The following ACSM5 variants were observed in gnomAD, a reference collection of about 807,000 sequenced individuals.
ACSM5 encodes acyl-CoA synthetase medium chain family member 5.
Under a neutral mutation model 71.6 loss-of-function variants are expected in ACSM5, and 56 were observed. The observed-to-expected ratio is 0.78, with a 90% CI of 0.63 to 0.98. The LOEUF is 0.98. Ranked by LOEUF, ACSM5 falls within the 50% of genes least tolerant of loss-of-function variation. The pLI is 0.00. For synonymous variants in ACSM5, 285 were observed against 281.5 expected (o/e 1.01, Z -0.12); for missense variants, 723 against 726.0 (o/e 1.00, Z 0.05).
chr16:20,417,777 G>T (rs966075406), intron 2 of ACSM5, among the ~76,000 whole-genome samples: 15 of 152,076 alleles, frequency 9.9e-5, no homozygotes, highest in African/African-American at 3.6e-4. Context: ...GCATTAAAAA[G>T]ATAGTAGAAA....
intron 6 of ACSM5, 133 bp from the exon 7 acceptor site, chr16:20,427,655 G>A (rs1967010038): frequency 5.6e-6 from 4 of 718,932 alleles, no homozygotes; most frequent in South Asian, 3.2e-5. Flanking sequence ...ACACCATCTT[G>A]GCTGCTGGAT....
intron 10 of ACSM5, among the ~76,000 whole-genome samples, chr16:20,435,012 A>G (rs2141660129): frequency 6.6e-6 from 1 of 152,234 alleles, no homozygotes; most frequent in African/African-American, 2.4e-5. Flanking sequence ...GATAATTGAC[A>G]TCTCTATTAA....
At position 20,429,815 on chromosome 16, in the gene ACSM5, G is replaced by A. The variant is rs1335034693; in HGVS notation, c.1125+14G>A. The A allele has an allele frequency of 2.5e-6, 4 of 1,610,588 alleles. No homozygotes were observed. The African/African-American group carries it at 5.4e-5, about 22-fold the overall frequency. ...CAGTCTGAAACGGTGAGTGCTGGAG[G>A]GGCCAGGTCCCTACCCCCCAGGTCC... On this transcript the variant is annotated intron_variant, in intron 8 of 13. Coordinates refer to ENST00000331849, the MANE Select transcript of ACSM5 (RefSeq NM_017888.3).
chr16:20,428,110 A>C (rs1967025466), intron 7 of ACSM5, among the ~76,000 whole-genome samples: 1 of 152,128 alleles, frequency 6.6e-6, no homozygotes, highest in African/African-American at 2.4e-5. Flanking sequence ...GGCCCCCCAA[A>C]ATTTGCATCC....
intron 10 of ACSM5, among the ~76,000 whole-genome samples, chr16:20,434,262 G>C (rs545355249): frequency 6.6e-6 from 1 of 152,244 alleles, no homozygotes; most frequent in East Asian, 1.9e-4. Context: ...TGACATTTAA[G>C]TTTATAATCC....
chr16:20,438,772 A>G (rs8063308), intron 12 of ACSM5, among the ~76,000 whole-genome samples: 42,148 of 149,348 alleles, frequency 0.28, 7,249 homozygotes, highest in East Asian at 0.57. Context: ...TGGCTAACAC[A>G]GTGAAACCCC....
intron 10 of ACSM5, among the ~76,000 whole-genome samples, chr16:20,431,665 C>G (rs1041536703): frequency 2.0e-5 from 3 of 152,004 alleles, no homozygotes; most frequent in Non-Finnish European, 2.9e-5. Flanking sequence ...GAAGGTCAAA[C>G]TGCAGCCGGG....
intron 7 of ACSM5, among the ~76,000 whole-genome samples, chr16:20,429,449 A>G (rs1323393419): frequency 6.6e-6 from 1 of 152,160 alleles, no homozygotes; most frequent in Non-Finnish European, 1.5e-5. Flanking sequence ...AACCTATTAT[A>G]TGAGCTTCTG....
intron 10 of ACSM5, among the ~76,000 whole-genome samples, chr16:20,434,562 C>T (rs76951447): frequency 0.088 from 13,447 of 152,030 alleles, 727 homozygotes; most frequent in East Asian, 0.19. Flanking sequence ...GGTGTGGTGG[C>T]GGGCACCTGT....
At chr16:20,431,673 G>A (rs188795866) in intron 10 of ACSM5, among the ~76,000 whole-genome samples, 117 of 152,164 alleles carry the variant, frequency 7.7e-4, no homozygotes, top group Middle Eastern at 6.8e-3. Context: ...AACTGCAGCC[G>A]GGTGCAGTGG....
chr16:20,436,045 CTCTT>C (rs771608816), intron 10 of ACSM5, among the ~76,000 whole-genome samples: 6 of 136,212 alleles, frequency 4.4e-5, no homozygotes, highest in African/African-American at 1.4e-4. Flanking sequence ...TTCTTTCTTT[CTCTT>C]TCTTTCTCTT....
chr16:20,436,481 C>T (rs561537847), intron 10 of ACSM5, among the ~76,000 whole-genome samples: 87 of 152,258 alleles, frequency 5.7e-4, no homozygotes, highest in Non-Finnish European at 1.1e-3. Context: ...AGCAATTCGC[C>T]TGCCTCAGCC....
intron 10 of ACSM5, among the ~76,000 whole-genome samples, chr16:20,436,039 T>TTC (rs1967188727): frequency 6.6e-6 from 1 of 151,102 alleles, no homozygotes; most frequent in African/African-American, 2.4e-5. Flanking sequence ...TTCTTTTTCT[T>TTC]TCTTTCTCTT....
rs201319121 is a variant in ACSM5 at position 20,439,914 on chromosome 16, A to C, written c.1651A>C (p.Arg551=). 5.7e-5 allele frequency: 92 copies of C among 1,612,218 alleles called. 2 individuals are homozygous for C. The highest frequency in any genetic ancestry group is 1.7e-5 in the Admixed American group (1 of 59,958). The part of the protein sequence containing the change: ...KRVTAPYKYP[R]KVAFVSELPK... Reference sequence around the variant, plus strand: ...GGTGACTGCTCCATACAAATACCCCAGGAAGGTAAATATCAGGGTTTCCAG... The same window carrying C: ...GGTGACTGCTCCATACAAATACCCCCGGAAGGTAAATATCAGGGTTTCCAG... The change falls in exon 13 of 14, where the codon AGG becomes CGG. Residue 551 remains arginine, a synonymous_variant. Coordinates refer to ENST00000331849, the MANE Select transcript of ACSM5 (RefSeq NM_017888.3).
intron 2 of ACSM5, chr16:20,412,173 C>T (rs1043339924): frequency 6.4e-6 from 1 of 156,798 alleles, no homozygotes; most frequent in Non-Finnish European, 1.4e-5. Flanking sequence ...TGGTGAAACT[C>T]CGTCTCTACT....
At chr16:20,438,954 TAAAAAAAAAAAA>T (rs1275195181) in intron 12 of ACSM5, among the ~76,000 whole-genome samples, 5 of 92,724 alleles carry the variant, frequency 5.4e-5, no homozygotes, top group African/African-American at 1.8e-4. Context: ...GACTCTGTCT[TAAAAAAAAAAAA>T]AAAAAAAAAA....
In ACSM5 at chr16:20,437,179, G is replaced by T; in HGVS notation, c.1436G>T (p.Ser479Ile). The T allele has an allele frequency of 1.2e-6, 2 of 1,614,164 alleles. No homozygotes were observed. Among genetic ancestry groups the T allele is most frequent in the Non-Finnish European group, 1.7e-6 (2 of 1,180,022 alleles). ...GRNDDVINSS[S>I]YRIGPVEVES... Reference sequence around the variant, plus strand: ...AACGACGATGTGATCAATTCTTCAAGGTCAAGCTGTCTGCACTTTCCTCCT... The same window carrying T: ...AACGACGATGTGATCAATTCTTCAATGTCAAGCTGTCTGCACTTTCCTCCT... Residue 479 changes from serine to isoleucine, a missense_variant and splice_region_variant, in exon 11 of 14, where the codon AGC becomes ATC. Transcript: ENST00000331849.
chr16:20,421,942 C>A (rs1027109350), intron 5 of ACSM5, among the ~76,000 whole-genome samples: 2 of 151,892 alleles, frequency 1.3e-5, no homozygotes, highest in African/African-American at 4.8e-5. Context: ...TTTCGTGTAA[C>A]TGGCATCATG....
intron 6 of ACSM5, among the ~76,000 whole-genome samples, chr16:20,427,463 G>C (rs1967006147): frequency 1.3e-5 from 2 of 152,236 alleles, no homozygotes; most frequent in South Asian, 4.1e-4. Context: ...CCCAGAACAA[G>C]GGATCCAAGA....
Sources: gnomAD v4.1 joint callset for allele counts (sites outside exome capture counted in the v4.1 genomes callset) on GRCh38, gnomAD v4.1.1 for gene constraint, MANE v1.5 for transcripts, NCBI Gene and HGNC (gene_info 2026-07-23, HGNC 2026-07-21) for gene names.